The following KRT85 variants were observed in gnomAD, a reference collection of about 807,000 sequenced individuals.
KRT85 encodes the protein keratin, type II cuticular Hb5.
Under a neutral mutation model 53.7 loss-of-function variants are expected in KRT85, and 39 were observed. That is an observed-to-expected ratio of 0.73 (90% CI 0.56 to 0.95). The LOEUF (loss-of-function observed/expected upper bound fraction) is 0.95. Among genes scored for constraint, KRT85 ranks in the 40% least tolerant of loss-of-function variants. The pLI, the probability that KRT85 is intolerant of heterozygous loss-of-function variation, is 0.00. For synonymous variants in KRT85, 291 were observed against 277.5 expected (o/e 1.05, Z -0.48); for missense variants, 668 against 686.0 (o/e 0.97, Z 0.29).
intron 2 of KRT85, chr12:52,364,657 C>T: frequency 7.0e-7 from 1 of 1,437,204 alleles, no homozygotes; most frequent in Non-Finnish European, 9.1e-7. Flanking sequence ...GTTCCATTGG[C>T]AGGGAGATCA....
chr12:52,367,461 T>G lies in KRT85; in HGVS notation c.-56A>C, dbSNP rs1592143319. ...GCGGAAGGTGGTGCGGGCGGCAGAGTGCGAGGCTCAGGATCCTTCTGCTCT... is the reference window on the plus strand; with the variant it reads ...GCGGAAGGTGGTGCGGGCGGCAGAGGGCGAGGCTCAGGATCCTTCTGCTCT... On this transcript the variant is annotated 5_prime_UTR_variant, in exon 1 of 9. Transcript: ENST00000257901. The G allele has an allele frequency of 6.3e-7, 1 of 1,575,194 alleles. No homozygotes were observed. Among genetic ancestry groups the G allele is most frequent in the Non-Finnish European group, 8.7e-7 (1 of 1,149,606 alleles).
intron 1 of KRT85, among the ~76,000 whole-genome samples, chr12:52,366,147 A>G (rs1159177302): frequency 2.6e-5 from 4 of 151,802 alleles, no homozygotes; most frequent in African/African-American, 9.7e-5. Context: ...CGTTCTCCAC[A>G]CTCTGGCTGC....
chr12:52,364,264 C>A (rs1421226693), intron 3 of KRT85, 42 bp downstream of exon 3: 1 of 1,613,800 alleles, frequency 6.2e-7, no homozygotes, highest in South Asian at 1.1e-5. Context: ...GGAGTTTGCA[C>A]TGATGGGCCC....
Position 52,364,156 on chromosome 12 carries a change from T to C in KRT85, c.698A>G (p.Asp233Gly), listed in dbSNP as rs763125979. ...GTCTGATTTCCGCAGGTAGGCACAG[T>C]CCACGTCCTGGCCGTGGGACAAAGA... ...NEFVVLKKDVDCAYLRKSDLE... is the reference protein window; with the variant it reads ...NEFVVLKKDVGCAYLRKSDLE... The change falls in exon 4 of 9, where the codon GAC (aspartate) becomes GGC (glycine). Residue 233 changes from aspartate to glycine, a missense_variant. Asp to Gly is a moderately conservative substitution (Grantham distance 94, BLOSUM62 -1). Transcript: ENST00000257901. 2.5e-5 allele frequency: 40 copies of C among 1,614,028 alleles called. No individual in the cohort carries two copies. The highest frequency in any genetic ancestry group is 1.4e-5 in the Non-Finnish European group (16 of 1,180,012).
chr12:52,361,049 GT>G lies in KRT85; in HGVS notation c.1331-4del. ...TCCACCACGGGAGCTGCTGACACCT[GT>G]GGAGAGAGGAGACATGGAGGGGTGA... On this transcript the variant is annotated splice_region_variant and splice_polypyrimidine_tract_variant and intron_variant, in intron 8 of 8. Transcript: ENST00000257901. 6.2e-7 allele frequency: 1 copy of G among 1,609,338 alleles called. No homozygotes were observed. Among genetic ancestry groups the G allele is most frequent in the Non-Finnish European group, 8.5e-7 (1 of 1,177,660 alleles).
At chr12:52,366,090 C>T (rs986816699) in intron 1 of KRT85, among the ~76,000 whole-genome samples, 2 of 152,204 alleles carry the variant, frequency 1.3e-5, no homozygotes, top group Admixed American at 1.3e-4. Context: ...AGGCTCCCAG[C>T]CTCCCCCGAC....
At position 52,360,542 on chromosome 12, in the gene KRT85, A is replaced by G. The variant is rs937037225; in HGVS notation, c.*311T>C. Reference sequence around the variant, plus strand: ...TCCGTGCTGACCACCACGCTGGGGGACTGGTCTTGTCCCTGAGAGCTGGGG... The same window carrying G: ...TCCGTGCTGACCACCACGCTGGGGGGCTGGTCTTGTCCCTGAGAGCTGGGG... On this transcript the variant is annotated 3_prime_UTR_variant, in exon 9 of 9. Transcript: ENST00000257901. 1 of 403,064 alleles carries G rather than the reference A, an allele frequency of 2.5e-6. No homozygotes were observed. The highest frequency in any genetic ancestry group is 4.7e-6 in the Non-Finnish European group (1 of 214,824). 25.0% of individuals were successfully genotyped at this position (403,064 alleles called of 1,614,324 possible). A position where few individuals can be genotyped will look rare whatever the true frequency, so the allele number is the denominator to read the frequency against.
intron 2 of KRT85, chr12:52,364,666 C>A: frequency 7.0e-7 from 1 of 1,437,836 alleles, no homozygotes. Context: ...GCAGGGAGAT[C>A]ACAGAGCCCA....
At chr12:52,361,406 T>G in intron 8 of KRT85, 61 bp downstream of exon 8, 1 of 1,498,504 alleles carries the variant, frequency 6.7e-7, no homozygotes, top group Non-Finnish European at 9.3e-7. Flanking sequence ...GTTAGGCCAA[T>G]GAGTTCAGCT....
intron 5 of KRT85, 114 bp downstream of exon 5, chr12:52,363,132 T>C: frequency 2.6e-6 from 4 of 1,557,022 alleles, no homozygotes; most frequent in Non-Finnish European, 3.5e-6. Context: ...CTACTGGCTT[T>C]TCTCATACTG....
rs1354618683 is a variant in KRT85 at position 52,362,964 on chromosome 12, C to T, written c.967G>A (p.Ala323Thr). The T allele has an allele frequency of 2.5e-6, 4 of 1,614,156 alleles. No homozygotes were observed. The highest frequency in any genetic ancestry group is 3.3e-5 in the Admixed American group (2 of 60,030). Residue 323 changes from alanine (A) to threonine (T), a missense_variant, in exon 6 of 9, where the codon GCC becomes ACC. Ala to Thr is a moderately conservative substitution (Grantham distance 58). Transcript: ENST00000257901. ...GTCTCCCCATGCCTGATCACCGTGGCCTTCATCTCCTCACACTGGAGGAAG... is the reference window on the plus strand; with the variant it reads ...GTCTCCCCATGCCTGATCACCGTGGTCTTCATCTCCTCACACTGGAGGAAG... ...WYRSKCEEMK[A>T]TVIRHGETLR...
In KRT85 at chr12:52,360,592, AT is replaced by A; in HGVS notation, c.*260del. 1.8e-6 allele frequency: 1 copy of A among 547,534 alleles called. No individual in the cohort carries two copies. Among genetic ancestry groups the A allele is most frequent in the Non-Finnish European group, 3.3e-6 (1 of 303,918 alleles). 33.9% of individuals were successfully genotyped at this position (547,534 alleles called of 1,614,324 possible). A position where few individuals can be genotyped will look rare whatever the true frequency, so the allele number is the denominator to read the frequency against. On this transcript the variant is annotated 3_prime_UTR_variant, in exon 9 of 9. Transcript: ENST00000257901. ...GGAATAATACAAATTGGATACAGGT[AT>A]TTTGGAGCTAAGTAGGAGTTAAGTG...
At chr12:52,362,228 C>T (rs748804398) in intron 7 of KRT85, 23 bp downstream of exon 7, 2 of 1,613,900 alleles carry the variant, frequency 1.2e-6, no homozygotes, top group African/African-American at 2.7e-5. Context: ...CTCTGAAACC[C>T]CACAAAGTCC....
In KRT85 at chr12:52,360,709, G is replaced by A. The variant is rs926825027; in HGVS notation, c.*144C>T. 30 of 940,412 alleles carry A rather than the reference G, an allele frequency of 3.2e-5. No individual in the cohort carries two copies. Among genetic ancestry groups the A allele is most frequent in the Non-Finnish European group, 4.9e-5 (29 of 592,758 alleles). 58.3% of individuals were successfully genotyped at this position (940,412 alleles called of 1,614,324 possible). A position where few individuals can be genotyped will look rare whatever the true frequency, so the allele number is the denominator to read the frequency against. ...AAAAGGCGCAGGGGAGCGGCCCGAGGGTCTTTCCCTCTGTAGGTCTTTCCC... is the reference window on the plus strand; with the variant it reads ...AAAAGGCGCAGGGGAGCGGCCCGAGAGTCTTTCCCTCTGTAGGTCTTTCCC... On this transcript the variant is annotated 3_prime_UTR_variant, in exon 9 of 9. Transcript: ENST00000257901.
At position 52,361,501 on chromosome 12, in the gene KRT85, A is replaced by G. The variant is rs1245687720; in HGVS notation, c.1299-3T>C. ...CAGAGCCCACACCTTCACACAGCCT[A>G]TGGAGAAAGAAAACTCTGTTAGTTC... On this transcript the variant is annotated splice_region_variant and splice_polypyrimidine_tract_variant and intron_variant, in intron 7 of 8. Transcript: ENST00000257901. 6.2e-7 allele frequency: 1 copy of G among 1,613,686 alleles called. No homozygotes were observed. The highest frequency in any genetic ancestry group is 1.3e-5 in the African/African-American group (1 of 75,056).
At position 52,367,055 on chromosome 12, in the gene KRT85, C is replaced by T. The variant is rs1411193954; in HGVS notation, c.351G>A (p.Gln117=). 4 of 1,613,786 alleles carry T rather than the reference C, an allele frequency of 2.5e-6. No individual in the cohort carries two copies. The African/African-American group carries it at 5.3e-5, about 21-fold the overall frequency. ...PLNLEIDPNA[Q]CVKQEEKEQI... is the part of the protein sequence containing the mutation. ...GCTCCTTCTCCTCCTGCTTCACGCA[C>T]TGTGCGTTGGGGTCGATCTCCAGGT... is the stretch of plus-strand genomic sequence containing the variant. The change falls in exon 1 of 9, where the codon CAG becomes CAA. Residue 117 remains glutamine, a synonymous_variant. Transcript: ENST00000257901.
chr12:52,361,414 G>T, intron 8 of KRT85, 53 bp downstream of exon 8: 1 of 1,563,954 alleles, frequency 6.4e-7, no homozygotes, highest in South Asian at 1.1e-5. Context: ...AATGAGTTCA[G>T]CTTTTCTATC....
At position 52,362,248 on chromosome 12, in the gene KRT85, C is replaced by T; in HGVS notation, c.1298+3G>A. The T allele has an allele frequency of 6.2e-7, 1 of 1,614,040 alleles. No individual in the cohort carries two copies. The highest frequency in any genetic ancestry group is 1.7e-5 in the Admixed American group (1 of 60,018). On this transcript the variant is annotated splice_donor_region_variant and intron_variant, in intron 7 of 8. Transcript: ENST00000257901. ...AAACCCCACAAAGTCCTCTTAGCCC[C>T]ACCTGTGTTCCTCGCCCTCCAGCAG...
Position 52,364,994 on chromosome 12 carries a change from A to C in KRT85, c.597T>G (p.His199Gln), listed in dbSNP as rs770103878. The C allele has an allele frequency of 6.8e-6, 11 of 1,612,744 alleles. No individual in the cohort carries two copies. In the African/African-American group the frequency reaches 1.3e-4, roughly 20 times the overall value. ...TGTAGCCCTCCAGCACCTCCTGCAC[A>C]TGGTTGAGCTCTGAGGCCAGCCTCC... The part of the protein sequence containing the change: ...DSGRLASELN[H>Q]VQEVLEGYKK... Residue 199 changes from histidine (H) to glutamine (Q), a missense_variant, in exon 2 of 9, where the codon CAT becomes CAG. By Grantham distance (24) the His-to-Gln change is conservative (BLOSUM62 0). This residue lies in a region of KRT85 where 488 missense variants were observed against 498.1 expected (regional missense o/e 0.98). Transcript: ENST00000257901.
Sources: gnomAD v4.1 joint callset for allele counts (sites outside exome capture counted in the v4.1 genomes callset) on GRCh38, gnomAD v4.1.1 for gene constraint, gnomAD v4.1.1 regional missense constraint, MANE v1.5 for transcripts, NCBI Gene and HGNC (gene_info 2026-07-23, HGNC 2026-07-21) for gene names.